Variants in DNAH7 observed in about 807,000 individuals in gnomAD.
DNAH7 encodes dynein axonemal heavy chain 7, also known as axonemal beta dynein heavy chain 7.
DNAH7 carries 397 observed loss-of-function variants against 444.6 expected under a neutral mutation model. The observed-to-expected ratio is 0.89, with a 90% CI of 0.82 to 0.97. The LOEUF is 0.97. DNAH7 is among the 50% of genes least tolerant of loss of function. The probability of loss-of-function intolerance (pLI) is 0.00; values close to 1 mark genes in which losing one functional copy is unlikely to be tolerated. For synonymous variants in DNAH7, 1,636 were observed against 1,624.4 expected, an observed-to-expected ratio of 1.01 and a Z score of -0.17; for missense variants, 4,902 against 4,800.8, an observed-to-expected ratio of 1.02 and a Z score of -0.62.
chr2:196,043,483 A>T (rs970499052), intron 5 of DNAH7, among the ~76,000 whole-genome samples: 3 of 152,146 alleles, frequency 2.0e-5, no homozygotes, highest in African/African-American at 7.2e-5. Context: ...CATCAGAAAA[A>T]CTTCTGGATA....
chr2:195,999,208 G>C, intron 12 of DNAH7: 1 of 717,336 alleles, frequency 1.4e-6, no homozygotes, highest in African/African-American at 1.7e-5. Context: ...TTGAATATGA[G>C]AAAAGTAAAA....
chr2:196,068,573 A>G, intron 1 of DNAH7, 124 bp downstream of exon 1: 1 of 1,285,928 alleles, frequency 7.8e-7, no homozygotes, highest in South Asian at 1.5e-5. Context: ...AGTGGGGTGA[A>G]GGAAGCTGTA....
rs1188555141 is a variant in DNAH7 at position 195,891,761 on chromosome 2, G to A, written c.4940C>T (p.Pro1647Leu). 5 of 1,605,264 alleles carry A rather than the reference G, an allele frequency of 3.1e-6. No homozygotes were observed. Among genetic ancestry groups the A allele is most frequent in the Non-Finnish European group, 4.3e-6 (5 of 1,176,442 alleles). Residue 1647 changes from proline to leucine, a missense_variant, in exon 31 of 65, where the codon CCT becomes CTT. Transcript: ENST00000312428. ...ENKVQITVLN[P>L]KSVTMGQLYG... ...CAGTTGGCCCATGGTGACAGACTTA[G>A]GATTTAAAACAGTTATTTGAACTTT...
intron 63 of DNAH7, among the ~76,000 whole-genome samples, chr2:195,745,699 T>C (rs552640934): frequency 5.3e-5 from 8 of 152,346 alleles, no homozygotes; most frequent in African/African-American, 1.9e-4. Flanking sequence ...GGGGCCAATA[T>C]TCAACATTCT....
At position 195,972,547 on chromosome 2, in the gene DNAH7, A is replaced by G. The variant is rs894627192; in HGVS notation, c.1834-81T>C. 33 of 1,033,362 alleles carry G rather than the reference A, an allele frequency of 3.2e-5. No individual in the cohort carries two copies. In the African/African-American group the frequency reaches 4.8e-4, roughly 15 times the overall value. 64.0% of individuals were successfully genotyped at this position (1,033,362 alleles called of 1,614,324 possible). On this transcript the variant is annotated intron_variant, in intron 15 of 64. Coordinates refer to ENST00000312428, the MANE Select transcript of DNAH7 (RefSeq NM_018897.3). ...ACAGCCTGCGGAAATACACTGTATA[A>G]CTATGCACAGACTTATTAGAAGTCA...
At chr2:195,990,879 A>G (rs1166651986) in intron 12 of DNAH7, among the ~76,000 whole-genome samples, 1 of 143,932 alleles carries the variant, frequency 6.9e-6, no homozygotes, top group Admixed American at 7.3e-5. Flanking sequence ...ACTTAAATAT[A>G]TACATATATA....
At chr2:195,938,115 C>A (rs1345691326) in intron 19 of DNAH7, among the ~76,000 whole-genome samples, 2 of 151,844 alleles carry the variant, frequency 1.3e-5, no homozygotes, top group East Asian at 3.9e-4. Context: ...TGTGAACATA[C>A]TTTGAATGTG....
intron 61 of DNAH7, among the ~76,000 whole-genome samples, chr2:195,765,139 A>C (rs184100796): frequency 1.3e-5 from 2 of 152,250 alleles, no homozygotes; most frequent in Admixed American, 1.3e-4. Context: ...TTTAGTTGAC[A>C]GTCTCTTCAA....
intron 18 of DNAH7, among the ~76,000 whole-genome samples, chr2:195,959,019 C>G (rs967445855): frequency 6.6e-6 from 1 of 152,108 alleles, no homozygotes; most frequent in Non-Finnish European, 1.5e-5. Flanking sequence ...TGAGATCGTG[C>G]CACTGCACTC....
chr2:195,998,911 G>A, intron 12 of DNAH7: 2 of 502,612 alleles, frequency 4.0e-6, no homozygotes, highest in Non-Finnish European at 3.5e-6. Flanking sequence ...AAAAGTCTAA[G>A]GGACCAAAAT....
intron 7 of DNAH7, among the ~76,000 whole-genome samples, chr2:196,026,365 T>C (rs185629285): frequency 5.9e-5 from 9 of 152,312 alleles, no homozygotes; most frequent in South Asian, 4.1e-4. Flanking sequence ...TTTTAGGTAA[T>C]TATTTAAATA....
intron 1 of DNAH7, among the ~76,000 whole-genome samples, chr2:196,059,585 G>A (rs1336427331): frequency 6.6e-6 from 1 of 152,178 alleles, no homozygotes; most frequent in Admixed American, 6.5e-5. Context: ...CTCCCATGGT[G>A]TGGCTGCCAG....
At chr2:196,054,247 G>A (rs904665740) in intron 2 of DNAH7, among the ~76,000 whole-genome samples, 3 of 152,224 alleles carry the variant, frequency 2.0e-5, no homozygotes, top group Non-Finnish European at 4.4e-5. Flanking sequence ...TTGGCTGGGT[G>A]TGATGGCTCA....
At chr2:195,903,563 C>CTCTA (rs1392946169) in intron 27 of DNAH7, 1 of 152,094 alleles carries the variant, frequency 6.6e-6, no homozygotes, top group Non-Finnish European at 1.5e-5. Flanking sequence ...AATATAGCTT[C>CTCTA]TCTAAAGTGA....
intron 47 of DNAH7, among the ~76,000 whole-genome samples, chr2:195,842,842 T>G (rs894783327): frequency 6.6e-6 from 1 of 152,156 alleles, no homozygotes; most frequent in Non-Finnish European, 1.5e-5. Flanking sequence ...AAGGGTATGT[T>G]TATTTGCTAG....
chr2:195,918,728 G>T (rs1256715343), intron 24 of DNAH7, among the ~76,000 whole-genome samples: 1 of 152,158 alleles, frequency 6.6e-6, no homozygotes, highest in Non-Finnish European at 1.5e-5. Context: ...GTCAGTGGTC[G>T]ACAGGGGTTC....
At chr2:196,065,337 ACTTATT>A (rs1343365352) in intron 1 of DNAH7, among the ~76,000 whole-genome samples, 5 of 152,182 alleles carry the variant, frequency 3.3e-5, no homozygotes, top group Non-Finnish European at 7.3e-5. Flanking sequence ...TCTTTTTTAG[ACTTATT>A]CTTAGGTATA....
rs1449657016 is a variant in DNAH7, at chr2:196,047,251, G to C, written c.398+101C>G. On this transcript the variant is annotated intron_variant, in intron 5 of 64. Transcript: ENST00000312428. Reference sequence around the variant, plus strand: ...TCTGACCTCATTCCAACAAGCCTTTGAGGCACCCTTAGAGATGCACAGAAT... The same window carrying C: ...TCTGACCTCATTCCAACAAGCCTTTCAGGCACCCTTAGAGATGCACAGAAT... The C allele has an allele frequency of 1.1e-5, 12 of 1,063,680 alleles. No homozygotes were observed. In the Admixed American group the frequency reaches 3.2e-4, roughly 29 times the overall value. The allele number at this position is 1,063,680 out of a possible 1,614,324, so 65.9% of individuals were successfully genotyped here.
At chr2:196,001,565 TA>T in intron 11 of DNAH7, 109 bp downstream of exon 11, 1 of 1,086,092 alleles carries the variant, frequency 9.2e-7, no homozygotes, top group Non-Finnish European at 1.3e-6. Context: ...GTAATAGGTC[TA>T]AAGATGTACT....
Sources: gnomAD v4.1 joint callset for allele counts (sites outside exome capture counted in the v4.1 genomes callset) on GRCh38, gnomAD v4.1.1 for gene constraint, MANE v1.5 for transcripts, NCBI Gene and HGNC (gene_info 2026-07-23, HGNC 2026-07-21) for gene names.